The following USP9X variants were observed in gnomAD, a reference collection of about 807,000 sequenced individuals.
The protein encoded by USP9X is ubiquitin specific peptidase 9 X-linked, also known as ubiquitin carboxyl-terminal hydrolase 9X.
Under a neutral mutation model 190.3 loss-of-function variants are expected in USP9X, and 7 were observed. That is an observed-to-expected ratio of 0.04 (90% CI 0.02 to 0.07). The LOEUF (loss-of-function observed/expected upper bound fraction) is 0.07. Ranked by LOEUF, USP9X falls within the 10% of genes least tolerant of loss-of-function variation. The probability of loss-of-function intolerance (pLI) is 1.00; values close to 1 mark genes in which losing one functional copy is unlikely to be tolerated. For missense variants in USP9X, 1,010 were observed against 1,916.9 expected (o/e 0.53, Z 8.83); for synonymous variants, 645 against 659.5 (o/e 0.98, Z 0.34).
At chrX:41,088,455 A>G (rs1317027080) in intron 1 of USP9X, among the ~76,000 whole-genome samples, 1 of 112,656 alleles carries the variant, frequency 8.9e-6, no homozygotes, top group Non-Finnish European at 1.9e-5. Flanking sequence ...TTAGTTGGTC[A>G]CACAACAAGT....
At chrX:41,114,850 T>C (rs1434369962) in intron 1 of USP9X, among the ~76,000 whole-genome samples, 5 of 111,004 alleles carry the variant, frequency 4.5e-5, no homozygotes, top group African/African-American at 1.6e-4. Context: ...TGTAACAAAA[T>C]ATGTTAGTCG....
chrX:41,133,515 CTTAG>C (rs902124811), intron 4 of USP9X, among the ~76,000 whole-genome samples: 26 of 111,794 alleles, frequency 2.3e-4, no homozygotes, highest in African/African-American at 8.1e-4. Flanking sequence ...GTTTTACTCT[CTTAG>C]TTATTTTAAA....
At chrX:41,170,683 G>C (rs1051900929) in intron 20 of USP9X, 64 bp downstream of exon 20, 9 of 1,041,953 alleles carry the variant, frequency 8.6e-6, no homozygotes, top group African/African-American at 1.9e-5. Flanking sequence ...TGAGAATAAA[G>C]TATATAGAGT....
chrX:41,195,752 T>C (rs1224091134), intron 26 of USP9X, among the ~76,000 whole-genome samples: 1 of 112,239 alleles, frequency 8.9e-6, no homozygotes, highest in African/African-American at 3.2e-5. Context: ...ACCGCTGATC[T>C]GACAGGAGGC....
chrX:41,208,891 G>C (rs1261335464), intron 32 of USP9X, among the ~76,000 whole-genome samples: 1 of 110,071 alleles, frequency 9.1e-6, no homozygotes, highest in Admixed American at 9.7e-5. Context: ...TGTATTTTTA[G>C]TAGAGACAGA....
intron 24 of USP9X, 108 bp downstream of exon 24, chrX:41,186,750 C>A: frequency 1.2e-6 from 1 of 866,992 alleles, no homozygotes; most frequent in Non-Finnish European, 1.6e-6. Flanking sequence ...GTTTTGTCTA[C>A]TATTAATATT....
intron 30 of USP9X, among the ~76,000 whole-genome samples, chrX:41,199,054 C>T (rs2063015386): frequency 9.0e-6 from 1 of 110,558 alleles, no homozygotes; most frequent in African/African-American, 3.3e-5. Context: ...CATTGTGGTG[C>T]ACACCTGTAA....
chrX:41,229,200 A>G, intron 41 of USP9X, 53 bp from the exon 42 acceptor site: 1 of 1,006,154 alleles, frequency 9.9e-7, no homozygotes, highest in Non-Finnish European at 1.3e-6. Flanking sequence ...CACTCAGTAT[A>G]TATTAGCTAT....
chrX:41,164,554 C>T (rs1267556211), intron 15 of USP9X, among the ~76,000 whole-genome samples: 2 of 111,717 alleles, frequency 1.8e-5, no homozygotes, highest in Non-Finnish European at 3.8e-5. Context: ...AGTTTCTACT[C>T]TGTTAGTACC....
chrX:41,094,624 A>G (rs760732056), intron 1 of USP9X, among the ~76,000 whole-genome samples: 13 of 111,373 alleles, frequency 1.2e-4, no homozygotes, highest in Non-Finnish European at 2.4e-4. Context: ...GATTTAATAT[A>G]GATTCAGTTA....
chrX:41,174,915 C>T (rs1348277538), intron 21 of USP9X, among the ~76,000 whole-genome samples: 3 of 110,311 alleles, frequency 2.7e-5, no homozygotes, highest in Non-Finnish European at 5.7e-5. Context: ...ACCTGGGAGG[C>T]GGAGGTTGCG....
intron 16 of USP9X, 39 bp from the exon 17 acceptor site, chrX:41,167,443 T>C: frequency 9.1e-7 from 1 of 1,098,172 alleles, no homozygotes; most frequent in Non-Finnish European, 1.2e-6. Context: ...CAAAAATATA[T>C]GTTGAAAGGG....
At chrX:41,114,864 C>G (rs1465818752) in intron 1 of USP9X, among the ~76,000 whole-genome samples, 3 of 110,915 alleles carry the variant, frequency 2.7e-5, no homozygotes, top group African/African-American at 9.8e-5. Context: ...TTAGTCGCCT[C>G]TTTATGATCA....
intron 31 of USP9X, among the ~76,000 whole-genome samples, chrX:41,203,801 G>A (rs1230461025): frequency 9.0e-6 from 1 of 110,875 alleles, no homozygotes; most frequent in African/African-American, 3.3e-5. Context: ...GGGTTCAAGC[G>A]ATTCTCCTGC....
At chrX:41,106,821 G>A (rs2062072979) in intron 1 of USP9X, among the ~76,000 whole-genome samples, 1 of 108,031 alleles carries the variant, frequency 9.3e-6, no homozygotes, top group Admixed American at 9.9e-5. Flanking sequence ...GTGAGCCACT[G>A]CACCCGGCCC....
At chrX:41,151,403 G>A (rs765029880) in intron 13 of USP9X, among the ~76,000 whole-genome samples, 1 of 111,493 alleles carries the variant, frequency 9.0e-6, no homozygotes, top group Non-Finnish European at 1.9e-5. Flanking sequence ...CATTTAAATT[G>A]ATGAAACATG....
At chrX:41,194,923 A>G (rs1010607021) in intron 26 of USP9X, among the ~76,000 whole-genome samples, 1 of 111,825 alleles carries the variant, frequency 8.9e-6, no homozygotes, top group African/African-American at 3.3e-5. Context: ...TATATAGTAC[A>G]TAACAGTTTT....
intron 22 of USP9X, 62 bp downstream of exon 22, chrX:41,184,190 G>T (rs2062852848): frequency 8.9e-7 from 1 of 1,120,259 alleles, no homozygotes; most frequent in Non-Finnish European, 1.2e-6. Context: ...AATTTATTCT[G>T]TGTTCTTTAA....
At chrX:41,183,446 G>A (rs868434162) in intron 21 of USP9X, among the ~76,000 whole-genome samples, 16 of 111,567 alleles carry the variant, frequency 1.4e-4, no homozygotes, top group Middle Eastern at 4.7e-3. Context: ...TCTTTTCACC[G>A]TAATTTAAAA....
Sources: allele counts gnomAD v4.1 joint callset (sites outside exome capture counted in the v4.1 genomes callset), GRCh38; gene constraint gnomAD v4.1.1; transcripts MANE v1.5; gene names NCBI Gene and HGNC (gene_info 2026-07-23, HGNC 2026-07-21).